The following NWD1 variants were observed in gnomAD, a reference collection of about 807,000 sequenced individuals.
NWD1 encodes the protein NACHT and WD repeat domain containing 1, also known as NACHT domain- and WD repeat-containing protein 1.
NWD1 carries 129 observed loss-of-function variants against 135.1 expected under a neutral mutation model. The observed-to-expected ratio is 0.96, with a 90% CI of 0.83 to 1.11. The LOEUF (loss-of-function observed/expected upper bound fraction) is 1.11. Among genes scored for constraint, NWD1 ranks in the 50% least tolerant of loss-of-function variants. NWD1 has a pLI of 0.00. For missense variants in NWD1, 1,740 were observed against 1,851.3 expected, an observed-to-expected ratio of 0.94 and a Z score of 1.10; for synonymous variants, 773 against 786.0, an observed-to-expected ratio of 0.98 and a Z score of 0.28.
At chr19:16,783,194 A>G (rs935597816) in intron 12 of NWD1, among the ~76,000 whole-genome samples, 1 of 151,518 alleles carries the variant, frequency 6.6e-6, no homozygotes, top group African/African-American at 2.4e-5. Context: ...ACCATGCCCA[A>G]CTACTTTTTA....
intron 4 of NWD1, among the ~76,000 whole-genome samples, chr19:16,737,964 C>CAAAAA (rs147713373): frequency 8.0e-6 from 1 of 124,540 alleles, no homozygotes; most frequent in Non-Finnish European, 1.7e-5. Flanking sequence ...GACTCTATCT[C>CAAAAA]GAAAAGAAAA....
Position 16,815,031 on chromosome 19 carries a change from C to A in NWD1, c.4291C>A (p.Pro1431Thr), listed in dbSNP as rs757700506. 3.1e-6 allele frequency: 5 copies of A among 1,613,790 alleles called. No individual in the cohort carries two copies. The Admixed American group carries it at 6.7e-5, about 22-fold the overall frequency. Residue 1431 changes from proline (P) to threonine (T), a missense_variant, in exon 19 of 19, where the codon CCC becomes ACC. Pro to Thr is a conservative substitution (Grantham distance 38, BLOSUM62 -1). Coordinates refer to ENST00000524140, the MANE Select transcript of NWD1 (RefSeq NM_001007525.5). ...KWKFEMSYTAPC is the reference protein window; with the variant it reads ...KWKFEMSYTATC ...GTCCTTCTCTTCACCCTTACAGGCA[C>A]CCTGCTGACAGTCCAGTTTGTCCAT...
Position 16,759,270 on chromosome 19 carries a change from C to A in NWD1, c.1815C>A (p.Asp605Glu). The stretch of plus-strand genomic sequence containing the variant: ...AGCTGAAGGATGTTTTGTCCCTGGA[C>A]GACGAGGTCCTGCAGGATGTGTACC... ...EAELKDVLSL[D>E]DEVLQDVYRD... Residue 605 changes from aspartate (D) to glutamate (E), a missense_variant, in exon 7 of 19, where the codon GAC becomes GAA. Physicochemically the swap from Asp to Glu is conservative, Grantham distance 45. Coordinates refer to ENST00000524140, the MANE Select transcript of NWD1 (RefSeq NM_001007525.5). 1 of 1,614,166 alleles carries A rather than the reference C, an allele frequency of 6.2e-7. No individual in the cohort carries two copies. The highest frequency in any genetic ancestry group is 2.2e-5 in the East Asian group (1 of 44,880).
rs1971071823 is a variant in NWD1 at position 16,816,522 on chromosome 19, G to A, written c.*1483G>A. The A allele has an allele frequency of 6.6e-6, 1 of 152,202 alleles. No homozygotes were observed. The highest frequency in any genetic ancestry group is 2.4e-5 in the African/African-American group (1 of 41,444). 9.4% of individuals were successfully genotyped at this position (152,202 alleles called of 1,614,324 possible). On this transcript the variant is annotated 3_prime_UTR_variant, in exon 19 of 19. Transcript: ENST00000524140. ...AACTGGAGGCTCTTGGAAGTAGAAA[G>A]AGCTGCTGATCTCTCCCTGCTTTGC... is the stretch of plus-strand genomic sequence containing the variant.
chr19:16,762,846 A>G (rs1207454110), intron 8 of NWD1, among the ~76,000 whole-genome samples: 1 of 150,202 alleles, frequency 6.7e-6, no homozygotes, highest in African/African-American at 2.5e-5. Flanking sequence ...GTTCACTGGC[A>G]TGATCTCAGG....
rs773225871 is a variant in NWD1 at position 16,744,560 on chromosome 19, A to G, written c.338A>G (p.Asn113Ser). The change falls in exon 5 of 19, where the codon AAT becomes AGT. Residue 113 changes from asparagine (N) to serine (S), a missense_variant. Transcript: ENST00000524140. ...LVARYFQRDE[N>S]AFPPTYVLQA... ...GCACGATACTTCCAGAGGGACGAGA[A>G]TGCGTTTCCTCCCACCTACGTCCTG... is the stretch of plus-strand genomic sequence containing the variant. The G allele has an allele frequency of 5.9e-6, 9 of 1,535,668 alleles. No individual in the cohort carries two copies. The highest frequency in any genetic ancestry group is 2.4e-5 in the East Asian group (1 of 40,904).
chr19:16,815,185 C>G lies in NWD1; in HGVS notation c.*146C>G, dbSNP rs774459640. 2 of 864,664 alleles carry G rather than the reference C, an allele frequency of 2.3e-6. No individual in the cohort carries two copies. The highest frequency in any genetic ancestry group is 4.0e-6 in the Non-Finnish European group (2 of 494,898). 53.6% of individuals were successfully genotyped at this position (864,664 alleles called of 1,614,324 possible). ...CACCGCAGGACCCTCTTAAGAACTT[C>G]AAGAAGGCAATGTGGATGGTCAAAT... On this transcript the variant is annotated 3_prime_UTR_variant, in exon 19 of 19. Coordinates refer to ENST00000524140, the MANE Select transcript of NWD1 (RefSeq NM_001007525.5).
At chr19:16,724,044 G>A (rs1967236509) in intron 1 of NWD1, among the ~76,000 whole-genome samples, 1 of 152,194 alleles carries the variant, frequency 6.6e-6, no homozygotes, top group Non-Finnish European at 1.5e-5. Context: ...CATGGAGCTT[G>A]AGGGTGCTCT....
chr19:16,745,020 A>C (rs898188902), intron 5 of NWD1: 10 of 569,756 alleles, frequency 1.8e-5, no homozygotes, highest in African/African-American at 1.3e-4. Context: ...ATAAAGGCAT[A>C]CTTGAGGCTG....
intron 5 of NWD1, 138 bp from the exon 6 acceptor site, chr19:16,749,001 C>A: frequency 1.5e-6 from 1 of 671,012 alleles, no homozygotes. Flanking sequence ...TTCGAGACCC[C>A]CAGGTCAGAC....
intron 4 of NWD1, among the ~76,000 whole-genome samples, chr19:16,744,186 C>T (rs187778489): frequency 4.6e-5 from 7 of 152,080 alleles, no homozygotes; most frequent in Admixed American, 2.0e-4. Flanking sequence ...TACAGGAGTT[C>T]AATACCAGCC....
chr19:16,808,288 G>C, intron 18 of NWD1, 152 bp downstream of exon 18: 1 of 696,752 alleles, frequency 1.4e-6, no homozygotes, highest in South Asian at 1.8e-5. Context: ...AGTGGCTCAC[G>C]CCTGTAATCC....
intron 6 of NWD1, among the ~76,000 whole-genome samples, chr19:16,752,141 T>G (rs1568353424): frequency 6.6e-6 from 1 of 151,866 alleles, no homozygotes; most frequent in Non-Finnish European, 1.5e-5. Context: ...TTACTGCAAC[T>G]GGCCAACAGC....
At position 16,789,010 on chromosome 19, in the gene NWD1, C is replaced by G. The variant is rs1470739082; in HGVS notation, c.2760C>G (p.Ala920=). Residue 920 remains alanine (A), a synonymous_variant, in exon 13 of 19, where the codon GCC becomes GCG. Transcript: ENST00000524140. ...AGGTGAGGTGTGTGAAAATATTTGCCAAAGGGACCCTCGCCAACTCTGCTT... is the reference window on the plus strand; with the variant it reads ...AGGTGAGGTGTGTGAAAATATTTGCGAAAGGGACCCTCGCCAACTCTGCTT... ...TGEVRCVKIF[A]KGTLANSASK... is the part of the protein sequence containing the mutation. The G allele has an allele frequency of 6.2e-7, 1 of 1,612,128 alleles. No homozygotes were observed. The highest frequency in any genetic ancestry group is 8.5e-7 in the Non-Finnish European group (1 of 1,179,710).
intron 4 of NWD1, among the ~76,000 whole-genome samples, chr19:16,738,864 A>AATATATAATACATTATATATTATAT: frequency 7.0e-6 from 1 of 143,176 alleles, no homozygotes; most frequent in Middle Eastern, 3.6e-3. Flanking sequence ...CATTATCTAT[A>AATATATAATACATTATATATTATAT]ATATATAATA....
At chr19:16,768,646 A>T (rs990944871) in intron 10 of NWD1, among the ~76,000 whole-genome samples, 3 of 152,196 alleles carry the variant, frequency 2.0e-5, no homozygotes, top group Non-Finnish European at 4.4e-5. Context: ...TTAATTTTAC[A>T]TGCACAGAAG....
chr19:16,744,126 C>T (rs566867059), intron 4 of NWD1, among the ~76,000 whole-genome samples: 6 of 152,206 alleles, frequency 3.9e-5, no homozygotes, highest in South Asian at 4.1e-4. Flanking sequence ...CAGTGGCTCA[C>T]GACAGTAATC....
At chr19:16,813,065 T>C (rs937390781) in intron 18 of NWD1, among the ~76,000 whole-genome samples, 1 of 152,136 alleles carries the variant, frequency 6.6e-6, no homozygotes, top group Non-Finnish European at 1.5e-5. Context: ...GAGTTTTCAT[T>C]AGGGCATGCA....
At chr19:16,748,713 A>G (rs1482575896) in intron 5 of NWD1, among the ~76,000 whole-genome samples, 1 of 151,928 alleles carries the variant, frequency 6.6e-6, no homozygotes, top group African/African-American at 2.4e-5. Flanking sequence ...AATCCCAGCT[A>G]CTCGGGAGGC....
Sources: allele counts gnomAD v4.1 joint callset (sites outside exome capture counted in the v4.1 genomes callset), GRCh38; gene constraint gnomAD v4.1.1; transcripts MANE v1.5; gene names NCBI Gene and HGNC (gene_info 2026-07-23, HGNC 2026-07-21).